Variants in TRHDE observed in about 807,000 individuals in gnomAD.
TRHDE encodes the protein thyrotropin-releasing hormone-degrading ectoenzyme.
In TRHDE, 72 loss-of-function variants were observed where a neutral mutation model predicts 125.7. The ratio of observed to expected loss-of-function variants is 0.57; its 90% CI spans 0.47 to 0.70. The LOEUF (loss-of-function observed/expected upper bound fraction) is 0.70, where lower values mean the gene tolerates loss of function less well. Among genes scored for constraint, TRHDE ranks in the 30% least tolerant of loss-of-function variants. The probability of loss-of-function intolerance (pLI) is 0.00; values close to 1 mark genes in which losing one functional copy is unlikely to be tolerated. For synonymous variants in TRHDE, 509 were observed against 509.1 expected (o/e 1.00, Z 0.00); for missense variants, 1,110 against 1,327.1 (o/e 0.84, Z 2.54).
At chr12:72,111,081 C>T (rs544650639) in intron 2 of TRHDE, among the ~76,000 whole-genome samples, 54 of 152,238 alleles carry the variant, frequency 3.5e-4, no homozygotes, top group African/African-American at 1.2e-3. Flanking sequence ...GCTATAATTC[C>T]ATGTCCCCTG....
rs1876868148 is a variant in TRHDE at position 72,475,876 on chromosome 12, T to A, written c.1584+2696T>A. On this transcript the variant is annotated intron_variant, in intron 5 of 18. Coordinates refer to ENST00000261180, the MANE Select transcript of TRHDE (RefSeq NM_013381.3). ...TCACATTTAATTACACAGTTAATAG[T>A]GAGAAGAAACAAGTCTTATTATGAT... 3.9e-5 allele frequency among the ~76,000 whole-genome samples: 6 copies of A among 152,228 alleles called. No homozygotes were observed. The South Asian group carries it at 1.2e-3, about 32-fold the overall frequency.
intron 2 of TRHDE, among the ~76,000 whole-genome samples, chr12:72,238,606 C>T (rs901826308): frequency 6.6e-6 from 1 of 151,038 alleles, no homozygotes; most frequent in Non-Finnish European, 1.5e-5. Context: ...ATGTGTTCTC[C>T]CTGTTCAACT....
intron 2 of TRHDE, among the ~76,000 whole-genome samples, chr12:72,238,416 A>G (rs1375274004): frequency 1.4e-5 from 2 of 142,250 alleles, no homozygotes; most frequent in East Asian, 4.2e-4. Context: ...ATTATACTTT[A>G]AGTTCTGGGG....
chr12:72,198,932 GGAGAGAGAGA>G (rs111453106), intron 2 of TRHDE, among the ~76,000 whole-genome samples: 5 of 147,186 alleles, frequency 3.4e-5, no homozygotes, highest in African/African-American at 5.0e-5. Context: ...TGGTGAAGCA[GGAGAGAGAGA>G]GAGAGAGAGA....
intron 7 of TRHDE, among the ~76,000 whole-genome samples, chr12:72,544,981 T>G (rs565063476): frequency 4.7e-4 from 71 of 151,594 alleles, no homozygotes; most frequent in African/African-American, 1.2e-3. Flanking sequence ...GAGAAAAATT[T>G]TGTTTCTATA....
chr12:72,647,386 C>G (rs577123403), intron 15 of TRHDE, among the ~76,000 whole-genome samples: 1 of 151,808 alleles, frequency 6.6e-6, no homozygotes, highest in Non-Finnish European at 1.5e-5. Flanking sequence ...CCTGAAACTA[C>G]CTTTACACCT....
intron 2 of TRHDE, among the ~76,000 whole-genome samples, chr12:72,259,343 T>G (rs1318374043): frequency 6.6e-6 from 1 of 152,130 alleles, no homozygotes; most frequent in African/African-American, 2.4e-5. Flanking sequence ...GGCTCCTGGA[T>G]CCTTTGGTCA....
chr12:72,529,300 A>G (rs1295138537), intron 6 of TRHDE, among the ~76,000 whole-genome samples: 2 of 152,140 alleles, frequency 1.3e-5, no homozygotes, highest in Non-Finnish European at 2.9e-5. Context: ...TACAGAGGAT[A>G]TTGCCAGATA....
intron 2 of TRHDE, among the ~76,000 whole-genome samples, chr12:72,210,892 T>C (rs1592485178): frequency 3.3e-5 from 5 of 152,334 alleles, no homozygotes; most frequent in Admixed American, 3.3e-4. Context: ...TTCATACACA[T>C]AGTGCCTAAA....
intron 3 of TRHDE, among the ~76,000 whole-genome samples, chr12:72,435,344 G>C (rs923360404): frequency 6.6e-6 from 1 of 152,090 alleles, no homozygotes; most frequent in East Asian, 1.9e-4. Context: ...ATCTTGTAGG[G>C]ACTGATGTCT....
intron 2 of TRHDE, among the ~76,000 whole-genome samples, chr12:72,191,395 C>A (rs959788683): frequency 3.3e-5 from 5 of 152,168 alleles, no homozygotes; most frequent in African/African-American, 9.6e-5. Flanking sequence ...CCTTCAGTTT[C>A]CACAGCCCTT....
At chr12:72,398,934 C>A (rs1479313664) in intron 3 of TRHDE, among the ~76,000 whole-genome samples, 2 of 152,156 alleles carry the variant, frequency 1.3e-5, no homozygotes, top group African/African-American at 4.8e-5. Context: ...CCCCAACCCC[C>A]AGGCTGGTGC....
At chr12:72,200,179 A>G (rs992859203) in intron 2 of TRHDE, among the ~76,000 whole-genome samples, 1 of 152,220 alleles carries the variant, frequency 6.6e-6, no homozygotes, top group Non-Finnish European at 1.5e-5. Flanking sequence ...CAGTGGAATA[A>G]GAACAGTGTC....
chr12:72,231,914 T>C (rs529730782), intron 2 of TRHDE, among the ~76,000 whole-genome samples: 1 of 152,324 alleles, frequency 6.6e-6, no homozygotes, highest in South Asian at 2.1e-4. Context: ...GCCTTTTAGT[T>C]ACAGCAGACC....
chr12:72,462,145 A>T (rs1876152676), intron 3 of TRHDE, among the ~76,000 whole-genome samples: 1 of 152,178 alleles, frequency 6.6e-6, no homozygotes, highest in Admixed American at 6.5e-5. Context: ...CTGGAAAAAT[A>T]ACTTGGATTG....
At chr12:72,203,455 G>A (rs531636635) in intron 2 of TRHDE, among the ~76,000 whole-genome samples, 1 of 151,926 alleles carries the variant, frequency 6.6e-6, no homozygotes, top group African/African-American at 2.4e-5. Context: ...GCGACAGAGC[G>A]AGACTCTGTC....
intron 2 of TRHDE, among the ~76,000 whole-genome samples, chr12:72,319,246 C>T (rs1868960769): frequency 6.6e-6 from 1 of 152,102 alleles, no homozygotes; most frequent in Non-Finnish European, 1.5e-5. Context: ...ATAGAGGGGC[C>T]AGCTGTTTAG....
chr12:72,444,309 G>C (rs1875169304), intron 3 of TRHDE, among the ~76,000 whole-genome samples: 1 of 151,932 alleles, frequency 6.6e-6, no homozygotes, highest in South Asian at 2.1e-4. Flanking sequence ...TATTCTAATT[G>C]CACTGTAAAA....
intron 2 of TRHDE, chr12:72,162,943 G>A (rs2139329709): frequency 6.7e-6 from 1 of 148,372 alleles, no homozygotes; most frequent in South Asian, 2.2e-4. Context: ...TGAACGAAAA[G>A]AAAGTGATAG....
Sources: allele counts gnomAD v4.1 joint callset (sites outside exome capture counted in the v4.1 genomes callset), GRCh38; gene constraint gnomAD v4.1.1; transcripts MANE v1.5; gene names NCBI Gene and HGNC (gene_info 2026-07-23, HGNC 2026-07-21).